DENND1B: variants seen among roughly 807,000 people sequenced by gnomAD.
DENND1B encodes the protein DENN domain-containing protein 1B.
Under a neutral mutation model 90.1 loss-of-function variants are expected in DENND1B, and 59 were observed. The ratio of observed to expected loss-of-function variants is 0.65; its 90% CI spans 0.53 to 0.81. DENND1B has a LOEUF of 0.81. Ranked by LOEUF, DENND1B falls within the 40% of genes least tolerant of loss-of-function variation. The pLI is 0.00. For missense variants in DENND1B, 862 were observed against 912.6 expected (o/e 0.94, Z 0.71); for synonymous variants, 337 against 324.6 (o/e 1.04, Z -0.41).
chr1:197,539,412 G>A (rs1670161415), intron 20 of DENND1B, among the ~76,000 whole-genome samples: 1 of 151,660 alleles, frequency 6.6e-6, no homozygotes, highest in Non-Finnish European at 1.5e-5. Context: ...CTTCATAAAT[G>A]TACTTATGAA....
intron 2 of DENND1B, chr1:197,747,472 G>C: frequency 3.5e-6 from 1 of 287,248 alleles, no homozygotes; most frequent in South Asian, 6.1e-5. Context: ...GTCAGGAAGC[G>C]GTCACCTGGC....
In DENND1B at chr1:197,753,739, G is replaced by A. The variant is rs117518105; in HGVS notation, c.82+19129C>T. Among the ~76,000 whole-genome samples, 1,398 of 152,166 alleles carry A rather than the reference G, an allele frequency of 9.2e-3. 26 individuals carry two copies. Among genetic ancestry groups the A allele is most frequent in the African/African-American group, 0.029 (1,186 of 41,410 alleles). ...TCGATGGCCACGCGCGGTGGCTCAC[G>A]CCTATAATCCCAACACTTTGGAAGG... On this transcript the variant is annotated intron_variant, in intron 2 of 22. Coordinates refer to ENST00000620048, the MANE Select transcript of DENND1B (RefSeq NM_001195215.2).
At chr1:197,770,758 A>C (rs953097310) in intron 2 of DENND1B, among the ~76,000 whole-genome samples, 37 of 141,494 alleles carry the variant, frequency 2.6e-4, no homozygotes, top group African/African-American at 7.5e-4. Context: ...CTATAAATAT[A>C]TATAAATATA....
chr1:197,543,346 G>T (rs541169559), intron 18 of DENND1B, among the ~76,000 whole-genome samples: 1 of 152,236 alleles, frequency 6.6e-6, no homozygotes, highest in East Asian at 1.9e-4. Flanking sequence ...ATAGGGTTTT[G>T]AACATGTTTG....
chr1:197,645,706 G>C lies in DENND1B; in HGVS notation c.545C>G (p.Pro182Arg). 6.4e-7 allele frequency: 1 copy of C among 1,566,074 alleles called. No homozygotes were observed. Among genetic ancestry groups the C allele is most frequent in the Non-Finnish European group, 8.7e-7 (1 of 1,155,628 alleles). The change falls in exon 9 of 23, where the codon CCA (proline) becomes CGA (arginine). Residue 182 changes from proline to arginine, a missense_variant. Coordinates refer to ENST00000620048, the MANE Select transcript of DENND1B (RefSeq NM_001195215.2). The stretch of plus-strand genomic sequence containing the variant: ...GAAACTTACACTCTCGGGTATTGTT[G>C]GGAGTCCAGTTACATCAGGGGCAAT... ...YFIAPDVTGL[P>R]TIPESRNLTE...
chr1:197,632,069 T>C (rs1290781079), intron 10 of DENND1B, among the ~76,000 whole-genome samples: 2 of 152,212 alleles, frequency 1.3e-5, no homozygotes, highest in East Asian at 3.9e-4. Context: ...AGGTCACTGT[T>C]CTAGTTCAGG....
At chr1:197,586,244 A>C (rs981531650) in intron 14 of DENND1B, among the ~76,000 whole-genome samples, 2 of 152,200 alleles carry the variant, frequency 1.3e-5, no homozygotes, top group African/African-American at 4.8e-5. Context: ...GACTTCTATT[A>C]AGCCAGATAT....
At chr1:197,741,820 T>C (rs1222298687) in intron 2 of DENND1B, among the ~76,000 whole-genome samples, 3 of 152,156 alleles carry the variant, frequency 2.0e-5, no homozygotes, top group African/African-American at 7.2e-5. Context: ...ACCTATGGTA[T>C]GCAGAAAGGC....
At chr1:197,699,696 T>C (rs902031178) in intron 3 of DENND1B, among the ~76,000 whole-genome samples, 8 of 152,328 alleles carry the variant, frequency 5.3e-5, no homozygotes, top group African/African-American at 1.7e-4. Flanking sequence ...CTTAAACTGA[T>C]AAGCAACTTC....
intron 10 of DENND1B, among the ~76,000 whole-genome samples, chr1:197,637,533 G>A (rs1356835943): frequency 6.6e-6 from 1 of 152,104 alleles, no homozygotes; most frequent in Non-Finnish European, 1.5e-5. Flanking sequence ...TCCTGTAACA[G>A]AAGTCTCCTC....
chr1:197,621,779 G>A (rs899636576), intron 10 of DENND1B, among the ~76,000 whole-genome samples: 1 of 151,162 alleles, frequency 6.6e-6, no homozygotes, highest in African/African-American at 2.4e-5. Flanking sequence ...CATATCTCTG[G>A]CATTATACCC....
chr1:197,596,052 GT>G (rs1349234374), intron 13 of DENND1B, among the ~76,000 whole-genome samples: 1 of 151,946 alleles, frequency 6.6e-6, no homozygotes, highest in Non-Finnish European at 1.5e-5. Context: ...GTTCTGTCCA[GT>G]TTTTTCCACT....
chr1:197,616,616 C>A (rs1677672957), intron 11 of DENND1B, among the ~76,000 whole-genome samples: 1 of 151,080 alleles, frequency 6.6e-6, no homozygotes, highest in Non-Finnish European at 1.5e-5. Context: ...TCACTACAAT[C>A]ACTTGTTCTG....
At chr1:197,663,780 C>T (rs1775470) in intron 5 of DENND1B, among the ~76,000 whole-genome samples, 127,570 of 151,872 alleles carry the variant, frequency 0.84, 53,872 homozygotes, top group African/African-American at 0.92. Context: ...CTCATTTGAG[C>T]CCCTTACCTG....
intron 13 of DENND1B, among the ~76,000 whole-genome samples, chr1:197,597,635 A>G (rs1015769516): frequency 2.0e-5 from 3 of 151,862 alleles, no homozygotes; most frequent in South Asian, 2.1e-4. Context: ...CCTTGACTGC[A>G]TAATTGTTGC....
chr1:197,607,326 G>C, intron 12 of DENND1B, 152 bp from the exon 13 acceptor site: 1 of 457,618 alleles, frequency 2.2e-6, no homozygotes, highest in Non-Finnish European at 3.7e-6. Flanking sequence ...AAACAACTTT[G>C]CCTCCTGAGA....
chr1:197,607,046 T>C, intron 13 of DENND1B, 27 bp downstream of exon 13: 2 of 1,513,940 alleles, frequency 1.3e-6, no homozygotes, highest in Non-Finnish European at 1.8e-6. Context: ...ACATATATGT[T>C]CACCACTGAA....
chr1:197,617,819 A>G (rs893775722), intron 10 of DENND1B, 60 bp from the exon 11 acceptor site: 9 of 1,117,196 alleles, frequency 8.1e-6, no homozygotes, highest in Non-Finnish European at 8.2e-6. Context: ...ACAAAAAGCA[A>G]TGTTCAATGT....
chr1:197,750,094 A>T (rs1653267914), intron 2 of DENND1B, among the ~76,000 whole-genome samples: 1 of 152,004 alleles, frequency 6.6e-6, no homozygotes. Context: ...CAATCCTCCC[A>T]CCTCAGCTTC....
Sources: gnomAD v4.1 joint callset for allele counts (sites outside exome capture counted in the v4.1 genomes callset) on GRCh38, gnomAD v4.1.1 for gene constraint, MANE v1.5 for transcripts, NCBI Gene and HGNC (gene_info 2026-07-23, HGNC 2026-07-21) for gene names.